NXPH1: variants seen among roughly 807,000 people sequenced by gnomAD.
NXPH1 encodes neurexophilin 1, also known as neurexophilin-1.
In NXPH1, 5 loss-of-function variants were observed where a neutral mutation model predicts 23.7. The observed-to-expected ratio is 0.21, with a 90% CI of 0.11 to 0.44. The LOEUF is 0.44. Among genes scored for constraint, NXPH1 ranks in the 20% least tolerant of loss-of-function variants. The pLI is 0.99. For missense variants in NXPH1, 324 were observed against 321.6 expected (o/e 1.01, Z -0.06); for synonymous variants, 144 against 122.2 (o/e 1.18, Z -1.18).
intron 2 of NXPH1, among the ~76,000 whole-genome samples, chr7:8,450,250 T>C (rs902045340): frequency 3.3e-5 from 5 of 152,214 alleles, no homozygotes; most frequent in African/African-American, 4.8e-5. Flanking sequence ...ACTCTAACTT[T>C]CCTGTGGCAT....
intron 2 of NXPH1, among the ~76,000 whole-genome samples, chr7:8,446,926 T>C (rs1816415899): frequency 7.7e-6 from 1 of 129,416 alleles, no homozygotes; most frequent in South Asian, 2.8e-4. Context: ...TTTTTTCTTA[T>C]AAGAATGACC....
intron 2 of NXPH1, among the ~76,000 whole-genome samples, chr7:8,440,560 T>A (rs1380489645): frequency 6.6e-6 from 1 of 152,328 alleles, no homozygotes; most frequent in East Asian, 1.9e-4. Flanking sequence ...TGGTTGATTT[T>A]TTTTTGAGAT....
At chr7:8,546,697 T>C (rs1466948163) in intron 2 of NXPH1, among the ~76,000 whole-genome samples, 1 of 151,456 alleles carries the variant, frequency 6.6e-6, no homozygotes, top group Non-Finnish European at 1.5e-5. Flanking sequence ...TTCTGCTCAT[T>C]CATCTCCCAG....
intron 2 of NXPH1, among the ~76,000 whole-genome samples, chr7:8,528,287 C>T (rs760230389): frequency 6.6e-6 from 1 of 152,220 alleles, no homozygotes; most frequent in Non-Finnish European, 1.5e-5. Context: ...ACCTGGGCTG[C>T]TTGCTGAGGT....
At chr7:8,723,471 G>A (rs949476854) in intron 2 of NXPH1, among the ~76,000 whole-genome samples, 1 of 152,044 alleles carries the variant, frequency 6.6e-6, no homozygotes, top group Non-Finnish European at 1.5e-5. Context: ...TGCTCATCTA[G>A]GTATTTTGCT....
intron 2 of NXPH1, among the ~76,000 whole-genome samples, chr7:8,524,324 C>G (rs1352158952): frequency 6.7e-6 from 1 of 149,506 alleles, no homozygotes; most frequent in East Asian, 2.0e-4. Context: ...CCCAACAAAT[C>G]TTGGTCAATA....
intron 2 of NXPH1, among the ~76,000 whole-genome samples, chr7:8,746,297 G>A (rs17154753): frequency 0.13 from 19,394 of 152,108 alleles, 1,416 homozygotes; most frequent in East Asian, 0.19. Flanking sequence ...AAAAAGCAAG[G>A]ACTGAGGGAA....
intron 2 of NXPH1, among the ~76,000 whole-genome samples, chr7:8,489,983 A>G (rs1468074234): frequency 1.3e-5 from 2 of 152,018 alleles, no homozygotes; most frequent in East Asian, 1.9e-4. Flanking sequence ...TGGTCCCTCC[A>G]ACACTCAAGT....
intron 2 of NXPH1, among the ~76,000 whole-genome samples, chr7:8,666,641 G>A (rs1348778865): frequency 6.6e-6 from 1 of 152,054 alleles, no homozygotes. Flanking sequence ...GAATTCAGCA[G>A]TAAAGCCATC....
At chr7:8,696,048 A>G (rs763483818) in intron 2 of NXPH1, among the ~76,000 whole-genome samples, 5 of 152,246 alleles carry the variant, frequency 3.3e-5, no homozygotes, top group Admixed American at 6.5e-5. Context: ...TTAAAAATTC[A>G]TGTGTGCACT....
In NXPH1 at chr7:8,443,560, G is replaced by A. The variant is rs1037124583; in HGVS notation, c.54+7793G>A. Among the ~76,000 whole-genome samples, 5 of 152,242 alleles carry A rather than the reference G, an allele frequency of 3.3e-5. No individual in the cohort carries two copies. The East Asian group carries it at 9.6e-4, about 29-fold the overall frequency. ...CCTTCCAGGCTAAGGCGCCTTTAGC[G>A]GCGCGCAGGGGTGAGGGAGAGGGTG... On this transcript the variant is annotated intron_variant, in intron 2 of 2. Transcript: ENST00000405863.
intron 2 of NXPH1, among the ~76,000 whole-genome samples, chr7:8,656,692 G>C (rs868044888): frequency 2.2e-3 from 316 of 143,228 alleles, no homozygotes; most frequent in African/African-American, 5.8e-3. Flanking sequence ...ATCCCTCCCC[G>C]CTCCCCCCAC....
At chr7:8,748,029 T>C (rs1780500512) in intron 2 of NXPH1, among the ~76,000 whole-genome samples, 1 of 152,232 alleles carries the variant, frequency 6.6e-6, no homozygotes, top group African/African-American at 2.4e-5. Flanking sequence ...GGAATGGCTT[T>C]ATTGTCAGGA....
At chr7:8,655,911 C>A (rs2115157057) in intron 2 of NXPH1, among the ~76,000 whole-genome samples, 1 of 152,300 alleles carries the variant, frequency 6.6e-6, no homozygotes, top group East Asian at 1.9e-4. Flanking sequence ...ACTGTGTTCC[C>A]TTGGCACAAC....
At chr7:8,608,531 T>C (rs1431016229) in intron 2 of NXPH1, among the ~76,000 whole-genome samples, 2 of 151,930 alleles carry the variant, frequency 1.3e-5, no homozygotes, top group African/African-American at 4.8e-5. Flanking sequence ...TAAATAAGAA[T>C]GGAGGTAGTG....
chr7:8,529,015 G>C (rs1817909992), intron 2 of NXPH1, among the ~76,000 whole-genome samples: 1 of 152,336 alleles, frequency 6.6e-6, no homozygotes, highest in East Asian at 1.9e-4. Context: ...AAGTTCACCA[G>C]TTGTTGGCAG....
At chr7:8,712,004 T>C (rs1319762565) in intron 2 of NXPH1, among the ~76,000 whole-genome samples, 1 of 152,208 alleles carries the variant, frequency 6.6e-6, no homozygotes, top group Non-Finnish European at 1.5e-5. Context: ...CAACTAGAAA[T>C]TCTTCTTGAT....
chr7:8,648,189 T>G (rs1786626947), intron 2 of NXPH1, among the ~76,000 whole-genome samples: 1 of 152,174 alleles, frequency 6.6e-6, no homozygotes, highest in South Asian at 2.1e-4. Flanking sequence ...TTTAAGTTAT[T>G]TAAAAATGTC....
At chr7:8,538,932 A>G (rs906271931) in intron 2 of NXPH1, among the ~76,000 whole-genome samples, 3 of 151,930 alleles carry the variant, frequency 2.0e-5, no homozygotes, top group Admixed American at 6.6e-5. Flanking sequence ...TGTGTTTTGA[A>G]TGTTTGAAAA....
Sources: allele counts gnomAD v4.1 joint callset (sites outside exome capture counted in the v4.1 genomes callset), GRCh38; gene constraint gnomAD v4.1.1; transcripts MANE v1.5; gene names NCBI Gene and HGNC (gene_info 2026-07-23, HGNC 2026-07-21).